FGD3: variants seen among roughly 807,000 people sequenced by gnomAD.
The protein encoded by FGD3 is FYVE, RhoGEF and PH domain containing 3.
A neutral mutation model predicts 71.8 loss-of-function variants in FGD3; 45 were observed. That is an observed-to-expected ratio of 0.63 (90% CI 0.49 to 0.80). The LOEUF (loss-of-function observed/expected upper bound fraction) is 0.80, where lower values mean the gene tolerates loss of function less well. FGD3 is among the 30% of genes least tolerant of loss of function. FGD3 has a pLI of 0.00. For synonymous variants in FGD3, 378 were observed against 392.8 expected, an observed-to-expected ratio of 0.96 and a Z score of 0.44; for missense variants, 844 against 951.5, an observed-to-expected ratio of 0.89 and a Z score of 1.49.
chr9:92,976,576 C>A lies in FGD3; in HGVS notation c.320C>A (p.Ala107Glu), dbSNP rs776061609. The stretch of plus-strand genomic sequence containing the variant: ...GGCCCAAGCCCCACTGTACTGGGGG[C>A]GCACGCAGAGATGGCCCTGGACAGC... ...EAGPSPTVLG[A>E]HAEMALDSQV... The change falls in exon 3 of 18, where the codon GCG (alanine) becomes GAG (glutamate). Residue 107 changes from alanine to glutamate, a missense_variant. Ala to Glu is a moderately radical substitution (Grantham distance 107). Transcript: ENST00000375482. The A allele has an allele frequency of 1.2e-6, 2 of 1,612,578 alleles. No individual in the cohort carries two copies. Among genetic ancestry groups the A allele is most frequent in the Non-Finnish European group, 1.7e-6 (2 of 1,179,850 alleles).
At chr9:92,995,181 G>T (rs1860584306) in intron 3 of FGD3, among the ~76,000 whole-genome samples, 1 of 152,232 alleles carries the variant, frequency 6.6e-6, no homozygotes, top group Middle Eastern at 3.4e-3. Context: ...CCTTGAAGAG[G>T]TCCTTCACAT....
chr9:93,029,439 G>T (rs554598574), intron 14 of FGD3, among the ~76,000 whole-genome samples: 62 of 152,310 alleles, frequency 4.1e-4, no homozygotes, highest in African/African-American at 1.4e-3. Flanking sequence ...GGCCCGCGGT[G>T]CCCAGTATAG....
intron 3 of FGD3, among the ~76,000 whole-genome samples, chr9:92,995,548 A>G (rs908436475): frequency 1.1e-4 from 17 of 152,236 alleles, no homozygotes; most frequent in African/African-American, 3.9e-4. Context: ...TCCCTGTTTT[A>G]TGCCAGTTTT....
At chr9:92,959,226 G>T (rs1245773334) in intron 1 of FGD3, among the ~76,000 whole-genome samples, 3 of 152,124 alleles carry the variant, frequency 2.0e-5, no homozygotes, top group Non-Finnish European at 1.5e-5. Context: ...CTCCCAAAGT[G>T]CTGGGATTAT....
intron 10 of FGD3, among the ~76,000 whole-genome samples, chr9:93,017,881 G>A (rs1174539708): frequency 6.6e-6 from 1 of 152,160 alleles, no homozygotes; most frequent in East Asian, 1.9e-4. Context: ...GGTTTGGTCA[G>A]CAGAGTTCCA....
At chr9:92,983,327 C>A (rs540754095) in intron 3 of FGD3, among the ~76,000 whole-genome samples, 1 of 151,786 alleles carries the variant, frequency 6.6e-6, no homozygotes, top group Non-Finnish European at 1.5e-5. Flanking sequence ...TCAAGACCAT[C>A]CTGACTAATA....
chr9:93,001,178 A>G (rs1014125077), intron 3 of FGD3, among the ~76,000 whole-genome samples: 1 of 152,010 alleles, frequency 6.6e-6, no homozygotes, highest in South Asian at 2.1e-4. Flanking sequence ...CACTTTGTTC[A>G]TGCATCATTT....
chr9:93,021,243 A>G (rs1861906177), intron 13 of FGD3, among the ~76,000 whole-genome samples: 1 of 152,162 alleles, frequency 6.6e-6, no homozygotes, highest in African/African-American at 2.4e-5. Flanking sequence ...CAATAGGAGC[A>G]TCTCACTCCC....
rs776391862 is a variant in FGD3 at position 93,006,078 on chromosome 9, G to A, written c.735G>A (p.Lys245=). ...DILQKLAPFL[K]MYGEYVKNFD... is the part of the protein sequence containing the mutation. ...TGCAGAAGCTGGCCCCATTCCTGAA[G>A]ATGTACGGCGAGTATGTCAAGAACT... The change falls in exon 6 of 18, where the codon AAG becomes AAA. Residue 245 remains lysine (K), a synonymous_variant. Transcript: ENST00000375482. The A allele has an allele frequency of 3.1e-6, 5 of 1,613,314 alleles. No homozygotes were observed. In the South Asian group the frequency reaches 5.5e-5, roughly 18 times the overall value.
intron 3 of FGD3, among the ~76,000 whole-genome samples, chr9:93,000,145 C>T (rs567548329): frequency 5.5e-4 from 83 of 151,886 alleles, no homozygotes; most frequent in African/African-American, 1.9e-3. Context: ...TTACATAAAA[C>T]ATTTTAAAGT....
chr9:93,029,793 G>A (rs1564172228), intron 14 of FGD3, 81 bp from the exon 15 acceptor site: 16 of 1,538,220 alleles, frequency 1.0e-5, no homozygotes, highest in East Asian at 2.4e-5. Context: ...TTACAGTCAC[G>A]AGAGCTGCCA....
chr9:92,967,177 G>T (rs1039972780), intron 1 of FGD3, among the ~76,000 whole-genome samples: 6 of 152,064 alleles, frequency 3.9e-5, no homozygotes, highest in African/African-American at 1.4e-4. Context: ...TGGTCAGGCT[G>T]GTCTTGAACT....
intron 14 of FGD3, among the ~76,000 whole-genome samples, chr9:93,022,827 C>T (rs943154705): frequency 6.6e-6 from 1 of 152,124 alleles, no homozygotes; most frequent in Non-Finnish European, 1.5e-5. Context: ...CTTAGTTCTT[C>T]ACCCCAAGCA....
intron 14 of FGD3, among the ~76,000 whole-genome samples, chr9:93,027,126 C>T (rs1862144066): frequency 6.6e-6 from 1 of 152,228 alleles, no homozygotes; most frequent in Non-Finnish European, 1.5e-5. Flanking sequence ...GTGCCGGGGG[C>T]TGCAGCACAG....
Position 93,010,469 on chromosome 9 carries a change from C to T in FGD3, c.976+85C>T, listed in dbSNP as rs55655460. On this transcript the variant is annotated intron_variant, in intron 7 of 17. Coordinates refer to ENST00000375482, the MANE Select transcript of FGD3 (RefSeq NM_001083536.2). ...GTGGGGAGAGAGGGAGAGAGAGAGT[C>T]GTGGGGTCATGGGGGTAGGGGAGAG... is the stretch of plus-strand genomic sequence containing the variant. 160 of 1,344,802 alleles carry T rather than the reference C, an allele frequency of 1.2e-4. No homozygotes were observed. In the East Asian group the frequency reaches 1.9e-3, roughly 16 times the overall value. The allele number at this position is 1,344,802 out of a possible 1,614,324, so 83.3% of individuals were successfully genotyped here. A position where few individuals can be genotyped will look rare whatever the true frequency, so the allele number is the denominator to read the frequency against.
intron 8 of FGD3, 118 bp from the exon 9 acceptor site, chr9:93,013,734 A>G: frequency 2.4e-6 from 3 of 1,275,272 alleles, no homozygotes; most frequent in South Asian, 1.3e-5. Context: ...CACCCTTGTC[A>G]GTAGCTCATT....
intron 1 of FGD3, among the ~76,000 whole-genome samples, chr9:92,971,541 T>TTTTTCTTCTCTTTTC (rs1859526265): frequency 2.3e-5 from 2 of 87,654 alleles, no homozygotes; most frequent in African/African-American, 9.6e-5. Context: ...AAGGGTGGGA[T>TTTTTCTTCTCTTTTC]TTTTCTTTTC....
chr9:92,966,569 C>T (rs1449338020), intron 1 of FGD3, among the ~76,000 whole-genome samples: 1 of 152,266 alleles, frequency 6.6e-6, no homozygotes, highest in Non-Finnish European at 1.5e-5. Context: ...AGACTCAGGC[C>T]TGGAGGCTGC....
chr9:93,033,317 C>T (rs1862436470), intron 16 of FGD3: 2 of 254,168 alleles, frequency 7.9e-6, no homozygotes, highest in South Asian at 3.5e-5. Context: ...CCTCCTCCTC[C>T]CCGTCCCCTT....
Sources: gnomAD v4.1 joint callset for allele counts (sites outside exome capture counted in the v4.1 genomes callset) on GRCh38, gnomAD v4.1.1 for gene constraint, MANE v1.5 for transcripts, NCBI Gene and HGNC (gene_info 2026-07-23, HGNC 2026-07-21) for gene names.